Variants in OGDH observed in about 807,000 individuals in gnomAD.
OGDH encodes the protein oxoglutarate dehydrogenase.
Under a neutral mutation model 116.6 loss-of-function variants are expected in OGDH, and 38 were observed. The ratio of observed to expected loss-of-function variants is 0.33; its 90% CI spans 0.25 to 0.43. The LOEUF (loss-of-function observed/expected upper bound fraction) is 0.43, where lower values mean the gene tolerates loss of function less well. OGDH is among the 20% of genes least tolerant of loss of function. The pLI, the probability that OGDH is intolerant of heterozygous loss-of-function variation, is 1.00. For missense variants in OGDH, 825 were observed against 1,357.2 expected (o/e 0.61, Z 6.16); for synonymous variants, 488 against 533.3 (o/e 0.92, Z 1.17).
rs563638025 is a variant in OGDH at position 44,694,588 on chromosome 7, C to T, written c.1668+12C>T. The T allele has an allele frequency of 5.0e-6, 8 of 1,613,208 alleles. No individual in the cohort carries two copies. Among genetic ancestry groups the T allele is most frequent in the South Asian group, 2.2e-5 (2 of 91,068 alleles). ...AGCCTGAGTATGAGGTACGTCCCTG[C>T]GGCTCTATCCCAGTGCGCCTTTCCA... is the stretch of plus-strand genomic sequence containing the variant. On this transcript the variant is annotated intron_variant, in intron 12 of 22. Coordinates refer to ENST00000222673, the MANE Select transcript of OGDH (RefSeq NM_002541.4). This position sits in a 1 kb window ranked among gnomAD's most constrained non-coding sequence, Gnocchi z 4.2.
chr7:44,666,240 T>C (rs1236917117), intron 4 of OGDH, among the ~76,000 whole-genome samples: 2 of 152,212 alleles, frequency 1.3e-5, no homozygotes, highest in African/African-American at 4.8e-5. Flanking sequence ...CTTCACTTCT[T>C]AGTCCCCCTC....
At chr7:44,642,262 T>C (rs1785975788) in intron 2 of OGDH, among the ~76,000 whole-genome samples, 1 of 151,882 alleles carries the variant, frequency 6.6e-6, no homozygotes, top group Admixed American at 6.6e-5. Context: ...CAAAAAAATA[T>C]TTAGTAAAAA....
chr7:44,647,272 A>C (rs1162555332), intron 3 of OGDH, among the ~76,000 whole-genome samples: 16 of 152,278 alleles, frequency 1.1e-4, no homozygotes, highest in African/African-American at 3.6e-4. Context: ...ATTTATGCAC[A>C]ATAGTGCTTT....
intron 4 of OGDH, among the ~76,000 whole-genome samples, chr7:44,661,806 G>T (rs6463242): frequency 0.16 from 24,286 of 152,084 alleles, 4,439 homozygotes; most frequent in African/African-American, 0.43. Flanking sequence ...GTTTCACCAT[G>T]TTGGCCAGGC....
intron 9 of OGDH, among the ~76,000 whole-genome samples, chr7:44,678,452 A>G (rs1214153891): frequency 2.0e-5 from 3 of 152,238 alleles, no homozygotes; most frequent in African/African-American, 7.2e-5. Context: ...TTAGAGTAAA[A>G]GCAATAGAGT....
At position 44,708,315 on chromosome 7, in the gene OGDH, A is replaced by G. The variant is rs1455261923; in HGVS notation, c.*316A>G. ...AGCTCTGGCCACAATCCTCCCCACC[A>G]GTCTCACCCACTAGGATAGGAACTG... On this transcript the variant is annotated 3_prime_UTR_variant, in exon 23 of 23. Transcript: ENST00000222673. 2.8e-5 allele frequency: 8 copies of G among 286,608 alleles called. No individual in the cohort carries two copies. In the Admixed American group the frequency reaches 3.9e-4, roughly 14 times the overall value. The allele number at this position is 286,608 out of a possible 1,614,324, so 17.8% of individuals were successfully genotyped here.
chr7:44,624,639 G>T (rs898000770), intron 2 of OGDH, 74 bp downstream of exon 2: 2 of 1,327,584 alleles, frequency 1.5e-6, no homozygotes, highest in African/African-American at 2.9e-5. Flanking sequence ...CCAGGTAAGT[G>T]TGTGCGTCCT....
chr7:44,636,516 A>G (rs1385643853), intron 2 of OGDH, among the ~76,000 whole-genome samples: 1 of 152,218 alleles, frequency 6.6e-6, no homozygotes, highest in Non-Finnish European at 1.5e-5. Context: ...CCAGGGTGGA[A>G]CCCCATACCT....
chr7:44,635,439 A>ACCCGCG (rs1375042714), intron 2 of OGDH, among the ~76,000 whole-genome samples: 2 of 152,064 alleles, frequency 1.3e-5, no homozygotes, highest in Non-Finnish European at 2.9e-5. Context: ...AGCCTGCCCC[A>ACCCGCG]CCCGCGCCGC....
chr7:44,614,565 C>A (rs192502916), intron 1 of OGDH, among the ~76,000 whole-genome samples: 1 of 152,130 alleles, frequency 6.6e-6, no homozygotes, highest in Admixed American at 6.6e-5. Context: ...TTTCCTCTGT[C>A]TTTATTCTGC....
intron 1 of OGDH, among the ~76,000 whole-genome samples, chr7:44,613,553 G>A (rs966787423): frequency 6.6e-6 from 1 of 151,698 alleles, no homozygotes; most frequent in Non-Finnish European, 1.5e-5. Context: ...TAGAGATGGG[G>A]TTTCACCGTG....
At chr7:44,623,854 C>T (rs1343762282) in intron 1 of OGDH, among the ~76,000 whole-genome samples, 1 of 152,148 alleles carries the variant, frequency 6.6e-6, no homozygotes, top group Non-Finnish European at 1.5e-5. Context: ...CCATGTTGGC[C>T]AGGATGGTCT....
At chr7:44,637,646 A>G (rs1785729929) in intron 2 of OGDH, among the ~76,000 whole-genome samples, 1 of 152,132 alleles carries the variant, frequency 6.6e-6, no homozygotes, top group Non-Finnish European at 1.5e-5. Context: ...TCCCGTCTCT[A>G]TTAAAAATAC....
In OGDH at chr7:44,635,436, C is replaced by T. The variant is rs1785621816; in HGVS notation, c.223-9891C>T. Among the ~76,000 whole-genome samples the T allele has an allele frequency of 2.6e-5, 4 of 152,270 alleles. No individual in the cohort carries two copies. The South Asian group carries it at 8.3e-4, about 32-fold the overall frequency. ...ATGCAGCAAGGAGACCGGAGCCTGCCCCACCCGCGCCGCGGATTATTTAGA... is the reference window on the plus strand; with the variant it reads ...ATGCAGCAAGGAGACCGGAGCCTGCTCCACCCGCGCCGCGGATTATTTAGA... On this transcript the variant is annotated intron_variant, in intron 2 of 22. Coordinates refer to ENST00000222673, the MANE Select transcript of OGDH (RefSeq NM_002541.4).
intron 1 of OGDH, among the ~76,000 whole-genome samples, chr7:44,615,559 C>T (rs1044976915): frequency 4.6e-5 from 7 of 152,122 alleles, no homozygotes; most frequent in South Asian, 2.1e-4. Flanking sequence ...GGAATTTGGC[C>T]GCAGTAGAGC....
chr7:44,698,046 T>C (rs1585390725), intron 17 of OGDH, 146 bp from the exon 18 acceptor site: 1 of 958,486 alleles, frequency 1.0e-6, no homozygotes, highest in Non-Finnish European at 1.6e-6. Context: ...CCAAGTGCTT[T>C]GCTGGTGGGA....
At position 44,638,533 on chromosome 7, in the gene OGDH, C is replaced by A. The variant is rs938603279; in HGVS notation, c.223-6794C>A. Among the ~76,000 whole-genome samples, 364 of 152,138 alleles carry A rather than the reference C, an allele frequency of 2.4e-3. 8 individuals carry two copies. Among genetic ancestry groups the A allele is most frequent in the Non-Finnish European group, 3.5e-4 (24 of 68,026 alleles). ...TTCTGCTTTGTCACTTGGAATGTTT[C>A]TAGAAGTAGAAGTCACTGCCCCTGC... is the stretch of plus-strand genomic sequence containing the variant. On this transcript the variant is annotated intron_variant, in intron 2 of 22. Coordinates refer to ENST00000222673, the MANE Select transcript of OGDH (RefSeq NM_002541.4).
intron 2 of OGDH, among the ~76,000 whole-genome samples, chr7:44,624,916 A>G (rs1785145748): frequency 6.6e-6 from 1 of 152,202 alleles, no homozygotes; most frequent in South Asian, 2.1e-4. Context: ...CCTCCATTCT[A>G]ACTGTCTGGA....
intron 20 of OGDH, among the ~76,000 whole-genome samples, chr7:44,705,617 C>T (rs1330102095): frequency 2.6e-5 from 4 of 152,150 alleles, no homozygotes; most frequent in Non-Finnish European, 5.9e-5. Flanking sequence ...TAGCTCACTG[C>T]AGCCTCAATT....
Sources: gnomAD v4.1 joint callset for allele counts (sites outside exome capture counted in the v4.1 genomes callset) on GRCh38, gnomAD v4.1.1 for gene constraint, Gnocchi (gnomAD v3.1) non-coding constraint, MANE v1.5 for transcripts, NCBI Gene and HGNC (gene_info 2026-07-23, HGNC 2026-07-21) for gene names.